LIN7C: variants seen among roughly 807,000 people sequenced by gnomAD.
LIN7C encodes lin-7 cell polarity scaffold C.
A neutral mutation model predicts 24.7 loss-of-function variants in LIN7C; 17 were observed. The observed-to-expected ratio is 0.69, with a 90% CI of 0.47 to 1.03. LIN7C has a LOEUF of 1.03. LIN7C is among the 50% of genes least tolerant of loss of function. The probability of loss-of-function intolerance (pLI) is 0.00; values close to 1 mark genes in which losing one functional copy is unlikely to be tolerated. For missense variants in LIN7C, 204 were observed against 239.0 expected (o/e 0.85, Z 0.97); for synonymous variants, 90 against 83.4 (o/e 1.08, Z -0.43).
intron 1 of LIN7C, among the ~76,000 whole-genome samples, chr11:27,505,359 A>G (rs1231954513): frequency 6.6e-6 from 1 of 152,086 alleles, no homozygotes; most frequent in African/African-American, 2.4e-5. Context: ...AACACAAAAG[A>G]CCAATACGTT....
chr11:27,500,318 C>G (rs1386683557), intron 3 of LIN7C, among the ~76,000 whole-genome samples: 1 of 152,142 alleles, frequency 6.6e-6, no homozygotes, highest in Non-Finnish European at 1.5e-5. Flanking sequence ...CATGGAGTTG[C>G]CCTTATATGT....
At chr11:27,506,313 G>C (rs1369597255) in intron 1 of LIN7C, among the ~76,000 whole-genome samples, 4 of 152,212 alleles carry the variant, frequency 2.6e-5, no homozygotes, top group African/African-American at 7.2e-5. Context: ...CTGTTGAATT[G>C]TACCGTGTGT....
intron 3 of LIN7C, among the ~76,000 whole-genome samples, chr11:27,500,280 G>A (rs1412211508): frequency 3.9e-5 from 6 of 152,268 alleles, no homozygotes; most frequent in Admixed American, 3.9e-4. Context: ...GAGCCTTTGT[G>A]CAGGACACAA....
intron 1 of LIN7C, among the ~76,000 whole-genome samples, chr11:27,506,390 G>A (rs1468431833): frequency 6.6e-6 from 1 of 152,160 alleles, no homozygotes; most frequent in Admixed American, 6.5e-5. Flanking sequence ...TTTGCTTTTC[G>A]GGTGTACGGG....
intron 1 of LIN7C, among the ~76,000 whole-genome samples, chr11:27,503,713 C>T (rs570850338): frequency 6.6e-6 from 1 of 152,240 alleles, no homozygotes; most frequent in South Asian, 2.1e-4. Flanking sequence ...AGGGTTTCAC[C>T]CTGTTGGTCA....
chr11:27,503,053 T>C (rs2133490564), intron 1 of LIN7C, among the ~76,000 whole-genome samples: 1 of 152,286 alleles, frequency 6.6e-6, no homozygotes, highest in South Asian at 2.1e-4. Context: ...AGGTGGAGGT[T>C]GCAGTGAGCT....
intron 1 of LIN7C, among the ~76,000 whole-genome samples, chr11:27,504,764 T>C (rs569412696): frequency 1.3e-5 from 2 of 152,342 alleles, no homozygotes; most frequent in East Asian, 3.9e-4. Flanking sequence ...TGACGCTACG[T>C]AAACAGTTGT....
At chr11:27,505,494 G>A (rs1443159685) in intron 1 of LIN7C, among the ~76,000 whole-genome samples, 1 of 152,176 alleles carries the variant, frequency 6.6e-6, no homozygotes, top group Non-Finnish European at 1.5e-5. Flanking sequence ...GGCCTAACTC[G>A]GCAAGTCTTC....
chr11:27,499,436 G>A lies in LIN7C; in HGVS notation c.361C>T (p.Arg121Ter), dbSNP rs770795360. ...TCAGCAATTCCACCTGGAATTATTC[G>A]GGATATATAGATTGGAGAGTTTTGT... ...KEQNSPIYIS[R>*]IIPGGIADRH... The change falls in exon 4 of 5, where the codon CGA (arginine) becomes TGA (stop). Residue 121 changes from arginine to a stop codon, truncating the protein, a stop_gained. Coordinates refer to ENST00000278193, the MANE Select transcript of LIN7C (RefSeq NM_018362.4). LOFTEE classifies it high-confidence loss of function. The A allele has an allele frequency of 6.2e-7, 1 of 1,614,036 alleles. No homozygotes were observed. The highest frequency in any genetic ancestry group is 2.2e-5 in the East Asian group (1 of 44,874).
Position 27,501,291 on chromosome 11 carries a change from T to C in LIN7C, c.228+204A>G, listed in dbSNP as rs139614727. 1.4e-4 allele frequency among the ~76,000 whole-genome samples: 22 copies of C among 152,254 alleles called. No homozygotes were observed. In the East Asian group the frequency reaches 3.7e-3, roughly 25 times the overall value. ...GCATTATCTAAACTGCATGATAAAA[T>C]AGCTTATGTAAGCTATTTATCATGC... On this transcript the variant is annotated intron_variant, in intron 3 of 4. Coordinates refer to ENST00000278193, the MANE Select transcript of LIN7C (RefSeq NM_018362.4).
rs1247567330 is a variant in LIN7C, at chr11:27,506,743, G to C, written c.10C>G (p.Leu4Val). Residue 4 changes from leucine to valine, a missense_variant, in exon 1 of 5, where the codon CTA becomes GTA. This residue lies in a region of LIN7C where 126 missense variants were observed against 117.8 expected (regional missense o/e 1.07). Transcript: ENST00000278193. MAA[L>V]GEPVRLERDI... ...CTCTCCAGCCGCACGGGTTCCCCTA[G>C]CGCCGCCATCTTCTCCCTTAACCTA... 6.2e-7 allele frequency: 1 copy of C among 1,614,098 alleles called. No homozygotes were observed. Among genetic ancestry groups the C allele is most frequent in the Non-Finnish European group, 8.5e-7 (1 of 1,180,014 alleles).
At chr11:27,499,907 G>A (rs760199580) in intron 3 of LIN7C, among the ~76,000 whole-genome samples, 12 of 152,190 alleles carry the variant, frequency 7.9e-5, no homozygotes, top group Non-Finnish European at 1.8e-4. Flanking sequence ...GATTACAGGC[G>A]TGAGCCACTG....
At chr11:27,502,363 G>A (rs1429210778) in intron 1 of LIN7C, among the ~76,000 whole-genome samples, 2 of 152,052 alleles carry the variant, frequency 1.3e-5, no homozygotes, top group Non-Finnish European at 2.9e-5. Flanking sequence ...AACAGTACAA[G>A]GCACTATAAG....
intron 1 of LIN7C, 60 bp downstream of exon 1, chr11:27,506,656 A>G: frequency 6.3e-7 from 1 of 1,590,458 alleles, no homozygotes; most frequent in Non-Finnish European, 8.6e-7. Context: ...CCTCCCCTCC[A>G]GCGACACAGC....
Position 27,494,639 on chromosome 11 carries a change from T to C in LIN7C, c.*4010A>G, listed in dbSNP as rs1865145383. 1 of 152,222 alleles carries C rather than the reference T, an allele frequency of 6.6e-6. No homozygotes were observed. Among genetic ancestry groups the C allele is most frequent in the African/African-American group, 2.4e-5 (1 of 41,458 alleles). 9.4% of individuals were successfully genotyped at this position (152,222 alleles called of 1,614,324 possible). A position where few individuals can be genotyped will look rare whatever the true frequency, so the allele number is the denominator to read the frequency against. ...AGAATTAAATTGATAAATGAAGTAA[T>C]CTATTGAAAAATGTTATTTTACATC... On this transcript the variant is annotated 3_prime_UTR_variant, in exon 5 of 5. Coordinates refer to ENST00000278193, the MANE Select transcript of LIN7C (RefSeq NM_018362.4).
rs1865170336 is a variant in LIN7C at position 27,496,370 on chromosome 11, A to G, written c.*2279T>C. 6.6e-6 allele frequency: 1 copy of G among 152,188 alleles called. No individual in the cohort carries two copies. 9.4% of individuals were successfully genotyped at this position (152,188 alleles called of 1,614,324 possible). On this transcript the variant is annotated 3_prime_UTR_variant, in exon 5 of 5. Transcript: ENST00000278193. Reference sequence around the variant, plus strand: ...TCTATCATACACTTACTATGTACCTAGTTTTATTCACGAATCATCCATTTC... The same window carrying G: ...TCTATCATACACTTACTATGTACCTGGTTTTATTCACGAATCATCCATTTC...
chr11:27,498,362 T>A lies in LIN7C; in HGVS notation c.*287A>T, dbSNP rs1042824682. 3 of 256,994 alleles carry A rather than the reference T, an allele frequency of 1.2e-5. No homozygotes were observed. The highest frequency in any genetic ancestry group is 4.4e-5 in the African/African-American group (2 of 45,310). 15.9% of individuals were successfully genotyped at this position (256,994 alleles called of 1,614,324 possible). A position where few individuals can be genotyped will look rare whatever the true frequency, so the allele number is the denominator to read the frequency against. ...ACATTTTAATATTAAAAAAGCATTT[T>A]AAAAAATCTATAACAACTTTATGAC... On this transcript the variant is annotated 3_prime_UTR_variant, in exon 5 of 5. Coordinates refer to ENST00000278193, the MANE Select transcript of LIN7C (RefSeq NM_018362.4).
chr11:27,505,013 G>T (rs1359011091), intron 1 of LIN7C, among the ~76,000 whole-genome samples: 1 of 152,158 alleles, frequency 6.6e-6, no homozygotes, highest in Non-Finnish European at 1.5e-5. Context: ...TGCCACAGAA[G>T]TTCCACATTT....
chr11:27,501,943 A>G (rs1202886197), intron 1 of LIN7C, 23 bp from the exon 2 acceptor site: 2 of 1,451,704 alleles, frequency 1.4e-6, no homozygotes, highest in South Asian at 2.3e-5. Context: ...ACACACACAG[A>G]TAATTTTCTC....
Sources: gnomAD v4.1 joint callset for allele counts (sites outside exome capture counted in the v4.1 genomes callset) on GRCh38, gnomAD v4.1.1 for gene constraint, gnomAD v4.1.1 regional missense constraint, MANE v1.5 for transcripts, NCBI Gene and HGNC (gene_info 2026-07-23, HGNC 2026-07-21) for gene names.